CHRM2: variants seen among roughly 807,000 people sequenced by gnomAD.
The protein encoded by CHRM2 is cholinergic receptor muscarinic 2, also known as muscarinic acetylcholine receptor M2.
A neutral mutation model predicts 25.0 loss-of-function variants in CHRM2; 8 were observed. The observed-to-expected ratio is 0.32, with a 90% CI of 0.19 to 0.58. The LOEUF (loss-of-function observed/expected upper bound fraction) is 0.58. Ranked by LOEUF, CHRM2 falls within the 20% of genes least tolerant of loss-of-function variation. The pLI is 0.88. For missense variants in CHRM2, 440 were observed against 567.1 expected, an observed-to-expected ratio of 0.78 and a Z score of 2.28; for synonymous variants, 202 against 205.7, an observed-to-expected ratio of 0.98 and a Z score of 0.15.
chr7:136,990,767 G>A (rs1207432982), intron 2 of CHRM2, among the ~76,000 whole-genome samples: 1 of 152,116 alleles, frequency 6.6e-6, no homozygotes, highest in African/African-American at 2.4e-5. Flanking sequence ...CTTATGGTAA[G>A]AGTATGTTGA....
At chr7:137,012,496 T>C (rs1404476702) in intron 3 of CHRM2, among the ~76,000 whole-genome samples, 1 of 152,010 alleles carries the variant, frequency 6.6e-6, no homozygotes, top group Non-Finnish European at 1.5e-5. Context: ...TAATATTACA[T>C]ATAATCACCT....
At chr7:136,981,647 G>GTCTT (rs543124040) in intron 2 of CHRM2, among the ~76,000 whole-genome samples, 1,592 of 152,190 alleles carry the variant, frequency 0.01, 33 homozygotes, top group African/African-American at 0.037. Flanking sequence ...GGTATGTTGT[G>GTCTT]TCTTTGTTCT....
chr7:136,942,093 C>T (rs17168817), intron 2 of CHRM2, among the ~76,000 whole-genome samples: 5,027 of 152,158 alleles, frequency 0.033, 118 homozygotes, highest in Admixed American at 0.048. Flanking sequence ...TACAAGGAGT[C>T]CAGCTATTCT....
rs1352167488 is a variant in CHRM2 at position 137,019,218 on chromosome 7, A to G, written c.*2952A>G. On this transcript the variant is annotated 3_prime_UTR_variant, in exon 4 of 4. Coordinates refer to ENST00000680005, the MANE Select transcript of CHRM2 (RefSeq NM_001006630.2). ...TTTAGAATATCAATGCAAATTCCTC[A>G]CCTGTTAGAAAAAGGTAATACTCAC... The G allele has an allele frequency of 6.6e-6, 1 of 151,916 alleles. No individual in the cohort carries two copies. The highest frequency in any genetic ancestry group is 1.5e-5 in the Non-Finnish European group (1 of 67,896). The allele number at this position is 151,916 out of a possible 1,614,324, so 9.4% of individuals were successfully genotyped here.
At chr7:136,975,600 T>A (rs1310153452) in intron 2 of CHRM2, among the ~76,000 whole-genome samples, 1 of 152,202 alleles carries the variant, frequency 6.6e-6, no homozygotes, top group Non-Finnish European at 1.5e-5. Context: ...ATATTGCCAT[T>A]CTTAAATATT....
chr7:136,974,384 G>A (rs1801979839), intron 2 of CHRM2, among the ~76,000 whole-genome samples: 2 of 152,170 alleles, frequency 1.3e-5, no homozygotes, highest in South Asian at 4.1e-4. Flanking sequence ...CAATTGCACA[G>A]AAGAAATCTG....
At chr7:136,947,772 G>A (rs561422564) in intron 2 of CHRM2, among the ~76,000 whole-genome samples, 1 of 152,294 alleles carries the variant, frequency 6.6e-6, no homozygotes, top group African/African-American at 2.4e-5. Flanking sequence ...GTGATATTCA[G>A]TGCAGGTAAG....
chr7:136,980,353 T>C (rs1584869030), intron 2 of CHRM2, among the ~76,000 whole-genome samples: 1 of 152,284 alleles, frequency 6.6e-6, no homozygotes, highest in East Asian at 1.9e-4. Context: ...GGTGAGACAA[T>C]GGGGTTTTCT....
chr7:136,879,629 GGGGAGCTGTAACA>G (rs1563041019), intron 2 of CHRM2, among the ~76,000 whole-genome samples: 3 of 151,812 alleles, frequency 2.0e-5, no homozygotes, highest in African/African-American at 7.2e-5. Flanking sequence ...ATCTTTCACA[GGGGAGCTGTAACA>G]GGGCCCTAAT....
chr7:137,010,909 G>A (rs993971756), intron 3 of CHRM2, among the ~76,000 whole-genome samples: 2 of 151,840 alleles, frequency 1.3e-5, no homozygotes, highest in Non-Finnish European at 2.9e-5. Flanking sequence ...AAAGGGCAAG[G>A]GAAACAGAGC....
At chr7:136,932,505 C>T (rs1351261504) in intron 2 of CHRM2, among the ~76,000 whole-genome samples, 5 of 152,156 alleles carry the variant, frequency 3.3e-5, no homozygotes. Context: ...ACAAAGATGT[C>T]ATCATAATTC....
chr7:136,907,015 A>T (rs541541425), intron 2 of CHRM2: 1 of 152,574 alleles, frequency 6.6e-6, no homozygotes, highest in African/African-American at 2.4e-5. Context: ...AGATTTTCAT[A>T]AGGAGCACAC....
At chr7:136,910,249 C>T (rs925429326) in intron 2 of CHRM2, among the ~76,000 whole-genome samples, 7 of 151,858 alleles carry the variant, frequency 4.6e-5, no homozygotes, top group African/African-American at 1.4e-4. Flanking sequence ...GATAAACTCT[C>T]GGCTGATATT....
At chr7:136,877,949 C>A (rs570965689) in intron 2 of CHRM2, among the ~76,000 whole-genome samples, 1 of 152,022 alleles carries the variant, frequency 6.6e-6, no homozygotes, top group South Asian at 2.1e-4. Flanking sequence ...TAAATAATTA[C>A]CTGAAGCCTA....
At chr7:136,971,932 G>A (rs1261700659) in intron 2 of CHRM2, among the ~76,000 whole-genome samples, 1 of 152,140 alleles carries the variant, frequency 6.6e-6, no homozygotes, top group African/African-American at 2.4e-5. Context: ...GTAGGCAGCA[G>A]TAAATTCTCT....
At chr7:136,885,796 G>A in intron 2 of CHRM2, among the ~76,000 whole-genome samples, 1 of 152,112 alleles carries the variant, frequency 6.6e-6, no homozygotes, top group Admixed American at 6.5e-5. Context: ...AACCCAGCTG[G>A]ATCTTGGTTT....
intron 3 of CHRM2, among the ~76,000 whole-genome samples, chr7:137,004,261 A>T (rs1389428322): frequency 6.6e-6 from 1 of 152,170 alleles, no homozygotes; most frequent in East Asian, 1.9e-4. Context: ...CAGATGACAC[A>T]GTAGAGATGG....
At chr7:137,004,764 A>T (rs986865973) in intron 3 of CHRM2, among the ~76,000 whole-genome samples, 4 of 152,098 alleles carry the variant, frequency 2.6e-5, no homozygotes, top group African/African-American at 9.6e-5. Context: ...TGCTGAGTTG[A>T]TGCAGCTTTT....
intron 2 of CHRM2, among the ~76,000 whole-genome samples, chr7:136,908,210 T>C (rs1452056624): frequency 6.6e-6 from 1 of 151,918 alleles, no homozygotes; most frequent in Non-Finnish European, 1.5e-5. Flanking sequence ...AGATCATCCT[T>C]CTATCTTGTA....
Sources: allele counts gnomAD v4.1 joint callset (sites outside exome capture counted in the v4.1 genomes callset), GRCh38; gene constraint gnomAD v4.1.1; transcripts MANE v1.5; gene names NCBI Gene and HGNC (gene_info 2026-07-23, HGNC 2026-07-21).